MGAM: variants seen among roughly 807,000 people sequenced by gnomAD.
The protein encoded by MGAM is maltase-glucoamylase, also known as alpha-1,4-glucosidase.
Under a neutral mutation model 358.8 loss-of-function variants are expected in MGAM, and 253 were observed. The observed-to-expected ratio is 0.71, with a 90% CI of 0.64 to 0.78. The LOEUF (loss-of-function observed/expected upper bound fraction) is 0.78. Ranked by LOEUF, MGAM falls within the 30% of genes least tolerant of loss-of-function variation. MGAM has a pLI of 0.00. For synonymous variants in MGAM, 1,105 were observed against 1,227.1 expected (o/e 0.90, Z 2.08); for missense variants, 3,080 against 3,432.6 (o/e 0.90, Z 2.57).
At chr7:142,045,206 A>G (rs1482090192) in intron 21 of MGAM, among the ~76,000 whole-genome samples, 6 of 57,226 alleles carry the variant, frequency 1.0e-4, no homozygotes, top group Non-Finnish European at 1.6e-4. Context: ...TATATATTAT[A>G]TAACATATAT....
chr7:142,009,051 A>T (rs1265286162), intron 3 of MGAM, among the ~76,000 whole-genome samples: 1 of 152,170 alleles, frequency 6.6e-6, no homozygotes, highest in African/African-American at 2.4e-5. Context: ...TGTCTTTTAT[A>T]TGGCAACACT....
chr7:142,080,725 G>A (rs1477961996), intron 49 of MGAM, 66 bp from the exon 50 acceptor site: 2 of 1,346,938 alleles, frequency 1.5e-6, no homozygotes, highest in Non-Finnish European at 2.0e-6. Flanking sequence ...AAATCAAAAA[G>A]GTTCTGCTAA....
chr7:142,055,829 G>C, intron 28 of MGAM, 103 bp downstream of exon 28: 1 of 1,555,502 alleles, frequency 6.4e-7, no homozygotes, highest in Non-Finnish European at 8.7e-7. Flanking sequence ...ATCACATTCT[G>C]CTTTTAGGCA....
At chr7:142,079,067 T>G in intron 49 of MGAM, 59 bp downstream of exon 49, 1 of 1,393,724 alleles carries the variant, frequency 7.2e-7, no homozygotes, top group South Asian at 1.2e-5. Context: ...ATTATCTTTT[T>G]CTGGTTCAGG....
chr7:142,029,722 T>C (rs1336932112), intron 10 of MGAM, among the ~76,000 whole-genome samples: 5 of 152,150 alleles, frequency 3.3e-5, no homozygotes, highest in Non-Finnish European at 5.9e-5. Context: ...AATGTACCTA[T>C]GATATTGGAT....
In MGAM at chr7:142,025,136, C is replaced by A; in HGVS notation, c.969C>A (p.Asn323Lys). 6.2e-7 allele frequency: 1 copy of A among 1,606,828 alleles called. No homozygotes were observed. The highest frequency in any genetic ancestry group is 8.5e-7 in the Non-Finnish European group (1 of 1,173,470). The change falls in exon 8 of 71, where the codon AAC (asparagine) becomes AAA (lysine). Residue 323 changes from asparagine (N) to lysine (K), a missense_variant. Physicochemically the swap from Asn to Lys is moderately conservative, Grantham distance 94. Around this residue, in one of 5 missense-constraint regions of MGAM, gnomAD observed 1,816 missense variants for 1,840.5 expected, o/e 0.99. Transcript: ENST00000475668. ...TGTCCTTTGGGGTGTTTCTGATGAA[C>A]AGCAATGCCATGGGTAAAGGAATAT... ...SGLSFGVFLM[N>K]SNAMEVVLQP... is the part of the protein sequence containing the mutation.
At position 142,065,958 on chromosome 7, in the gene MGAM, G is replaced by GTTTTTT. The variant is rs1477940566; in HGVS notation, c.4770+131_4770+132insTTTTTT. The stretch of plus-strand genomic sequence containing the variant: ...AAAAAAAGGTGTTTTTTTTTGTTTT[G>GTTTTTT]TTTTGTTTTGTTTTTTTTTTTGAAA... On this transcript the variant is annotated intron_variant, in intron 40 of 70. Coordinates refer to ENST00000475668, the MANE Select transcript of MGAM (RefSeq NM_001365693.1). 2.3e-5 allele frequency: 17 copies of GTTTTTT among 743,358 alleles called. No homozygotes were observed. In the African/African-American group the frequency reaches 3.2e-4, roughly 14 times the overall value. 46.0% of individuals were successfully genotyped at this position (743,358 alleles called of 1,614,324 possible). A position where few individuals can be genotyped will look rare whatever the true frequency, so the allele number is the denominator to read the frequency against.
chr7:142,019,290 T>C lies in MGAM; in HGVS notation c.419T>C (p.Val140Ala). The change falls in exon 4 of 71, where the codon GTA becomes GCA. Residue 140 changes from valine (V) to alanine (A), a missense_variant. By Grantham distance (64) the Val-to-Ala change is moderately conservative. Coordinates refer to ENST00000475668, the MANE Select transcript of MGAM (RefSeq NM_001365693.1). ...TATTCCAAGAATCATAGCTACCATG[T>C]AGAGGGCAACCTTGTCAACACAAAT... The part of the protein sequence containing the change: ...CYYSKNHSYH[V>A]EGNLVNTNAG... 1 of 1,613,496 alleles carries C rather than the reference T, an allele frequency of 6.2e-7. No individual in the cohort carries two copies. The highest frequency in any genetic ancestry group is 8.5e-7 in the Non-Finnish European group (1 of 1,179,676).
At chr7:142,033,005 T>A in intron 14 of MGAM, 96 bp downstream of exon 14, 2 of 769,848 alleles carry the variant, frequency 2.6e-6, no homozygotes, top group East Asian at 5.7e-5. Context: ...GGGAATTTGT[T>A]CATAATTGTG....
chr7:142,006,972 A>G (rs1316834112), intron 2 of MGAM, among the ~76,000 whole-genome samples: 7 of 152,154 alleles, frequency 4.6e-5, no homozygotes, highest in East Asian at 1.9e-4. Flanking sequence ...TCCTTTGTAA[A>G]CTGCTGATTT....
Position 142,086,314 on chromosome 7 carries a change from A to G in MGAM, c.6733A>G (p.Ile2245Val). 6.5e-7 allele frequency: 1 copy of G among 1,534,054 alleles called. No individual in the cohort carries two copies. The highest frequency in any genetic ancestry group is 1.2e-5 in the South Asian group (1 of 85,972). Reference protein sequence around the residue: ...VFIKYPNDGDIVWGKVWPDFP... With the variant: ...VFIKYPNDGDVVWGKVWPDFP... ...CATCAAGTACCCAAATGATGGAGAC[A>G]TTGTCTGGGGAAAGGTATAATCCTA... Residue 2245 changes from isoleucine to valine, a missense_variant, in exon 56 of 71, where the codon ATT becomes GTT. By Grantham distance (29) the Ile-to-Val change is conservative. Coordinates refer to ENST00000475668, the MANE Select transcript of MGAM (RefSeq NM_001365693.1).
At position 142,005,430 on chromosome 7, in the gene MGAM, T is replaced by C. The variant is rs558033085; in HGVS notation, c.-2-99T>C. On this transcript the variant is annotated intron_variant, in intron 1 of 70. Transcript: ENST00000475668. ...TAATGGATGCTTGGGAGGCTTGTTATAGTATTCATTGCATACATTTGAGCT... is the reference window on the plus strand; with the variant it reads ...TAATGGATGCTTGGGAGGCTTGTTACAGTATTCATTGCATACATTTGAGCT... 30 of 805,530 alleles carry C rather than the reference T, an allele frequency of 3.7e-5. 1 individual carries two copies. The Middle Eastern group carries it at 1.5e-3, about 40-fold the overall frequency. The allele number at this position is 805,530 out of a possible 1,614,324, so 49.9% of individuals were successfully genotyped here.
intron 2 of MGAM, among the ~76,000 whole-genome samples, chr7:141,987,865 C>A (rs559889405): frequency 8.4e-4 from 128 of 152,292 alleles, no homozygotes; most frequent in African/African-American, 3.1e-3. Context: ...ATGACTTTAA[C>A]CCCACCACTA....
intron 18 of MGAM, among the ~76,000 whole-genome samples, chr7:142,037,562 A>G (rs536056760): frequency 9.8e-5 from 15 of 152,302 alleles, no homozygotes; most frequent in African/African-American, 3.6e-4. Context: ...TGAGGCCCTC[A>G]GGCACGTATC....
At chr7:142,060,938 T>C (rs1812126796) in intron 34 of MGAM, among the ~76,000 whole-genome samples, 1 of 152,120 alleles carries the variant, frequency 6.6e-6, no homozygotes, top group Admixed American at 6.5e-5. Context: ...AGCCTTATTG[T>C]AAAACTTGCT....
intron 45 of MGAM, among the ~76,000 whole-genome samples, chr7:142,075,974 T>C (rs1813700287): frequency 6.8e-6 from 1 of 146,258 alleles, no homozygotes; most frequent in African/African-American, 2.4e-5. Context: ...CTTTAAGAGA[T>C]ATACTCACTC....
intron 1 of MGAM, among the ~76,000 whole-genome samples, chr7:142,000,555 A>G (rs1196826567): frequency 6.6e-6 from 1 of 152,204 alleles, no homozygotes; most frequent in African/African-American, 2.4e-5. Context: ...TACCTCTTGA[A>G]GAGAGGAGTA....
chr7:142,043,128 TA>T (rs1563150274), intron 21 of MGAM, among the ~76,000 whole-genome samples: 312 of 24,336 alleles, frequency 0.013, no homozygotes, highest in East Asian at 0.089. Flanking sequence ...ATAATATATA[TA>T]TTATATATAC....
chr7:141,986,788 G>A (rs1803721374), intron 2 of MGAM, among the ~76,000 whole-genome samples: 1 of 152,072 alleles, frequency 6.6e-6, no homozygotes, highest in African/African-American at 2.4e-5. Context: ...GAACTAAAAT[G>A]GTATTTCCAA....
Sources: allele counts gnomAD v4.1 joint callset (sites outside exome capture counted in the v4.1 genomes callset), GRCh38; gene constraint gnomAD v4.1.1; regional missense constraint gnomAD v4.1.1; transcripts MANE v1.5; gene names NCBI Gene and HGNC (gene_info 2026-07-23, HGNC 2026-07-21).